DOCK8: variants seen among roughly 807,000 people sequenced by gnomAD.
DOCK8 encodes dedicator of cytokinesis 8.
A neutral mutation model predicts 245.6 loss-of-function variants in DOCK8; 141 were observed. That is an observed-to-expected ratio of 0.57 (90% CI 0.50 to 0.66). DOCK8 has a LOEUF of 0.66. Among genes scored for constraint, DOCK8 ranks in the 30% least tolerant of loss-of-function variants. The probability of loss-of-function intolerance (pLI) is 0.00; values close to 1 mark genes in which losing one functional copy is unlikely to be tolerated. For missense variants in DOCK8, 2,965 were observed against 2,603.4 expected (o/e 1.14, Z -3.02); for synonymous variants, 1,168 against 970.2 (o/e 1.20, Z -3.79).
intron 14 of DOCK8, among the ~76,000 whole-genome samples, chr9:342,564 G>A (rs747513881): frequency 1.3e-5 from 2 of 151,922 alleles, no homozygotes; most frequent in Admixed American, 1.3e-4. Context: ...CCGCCTCACA[G>A]GTTCAAACGA....
intron 1 of DOCK8, among the ~76,000 whole-genome samples, chr9:220,452 A>ATGTGCTACTGCTGTTC (rs2046855608): frequency 6.6e-6 from 1 of 152,144 alleles, no homozygotes; most frequent in Non-Finnish European, 1.5e-5. Context: ...AACTCAGGGG[A>ATGTGCTACTGCTGTTC]CCAAGTCTCC....
rs139263734 is a variant in DOCK8, at chr9:282,408, G to GT, written c.157-4049dup. ...ACATGACAAGTTTGCTTTTTGTTTC[G>GT]TTTTGTTTTTTTTTTTTTTTTGGTT... On this transcript the variant is annotated intron_variant, in intron 2 of 47. Transcript: ENST00000432829. Among the ~76,000 whole-genome samples, 229 of 140,498 alleles carry GT rather than the reference G, an allele frequency of 1.6e-3. 1 individual carries two copies. Among genetic ancestry groups the GT allele is most frequent in the African/African-American group, 6.0e-3 (215 of 35,660 alleles). The allele number at this position is 140,498 out of a possible 152,430, so 92.2% of individuals were successfully genotyped here. A position where few individuals can be genotyped will look rare whatever the true frequency, so the allele number is the denominator to read the frequency against.
intron 1 of DOCK8, among the ~76,000 whole-genome samples, chr9:247,340 C>A (rs755351806): frequency 6.6e-6 from 1 of 151,894 alleles, no homozygotes; most frequent in Non-Finnish European, 1.5e-5. Context: ...TAATCAAATA[C>A]GACAAGTTAG....
Position 360,114 on chromosome 9 carries a change from G to A in DOCK8, c.1680-7904G>A, listed in dbSNP as rs913603969. Among the ~76,000 whole-genome samples the A allele has an allele frequency of 3.9e-5, 6 of 152,000 alleles. No homozygotes were observed. The East Asian group carries it at 5.8e-4, about 15-fold the overall frequency. On this transcript the variant is annotated intron_variant, in intron 14 of 47. Transcript: ENST00000432829. The stretch of plus-strand genomic sequence containing the variant: ...GCGGATCACTTGAGGTCAGGAGTTC[G>A]ACACCAGCCTGGCCAACATGGTGAA...
chr9:307,289 A>C (rs2049879161), intron 5 of DOCK8, among the ~76,000 whole-genome samples: 1 of 149,822 alleles, frequency 6.7e-6, no homozygotes, highest in African/African-American at 2.5e-5. Context: ...GCTTTCCTGC[A>C]GCATACTAGC....
At chr9:403,814 G>A (rs1339655693) in intron 26 of DOCK8, among the ~76,000 whole-genome samples, 2 of 149,320 alleles carry the variant, frequency 1.3e-5, no homozygotes, top group East Asian at 2.0e-4. Flanking sequence ...GCAGTGAGCC[G>A]AGATCATGCC....
chr9:338,415 T>G (rs982243343), intron 12 of DOCK8, among the ~76,000 whole-genome samples: 1 of 152,110 alleles, frequency 6.6e-6, no homozygotes, highest in African/African-American at 2.4e-5. Context: ...TTCCCAATCT[T>G]ATGACCTTGG....
chr9:413,324 A>AATC (rs1166804970), intron 28 of DOCK8, among the ~76,000 whole-genome samples: 1 of 152,226 alleles, frequency 6.6e-6, no homozygotes, highest in Non-Finnish European at 1.5e-5. Context: ...TTATAGAGGT[A>AATC]ATCATCATAG....
chr9:391,349 G>A (rs532804792), intron 24 of DOCK8, among the ~76,000 whole-genome samples: 60 of 152,016 alleles, frequency 3.9e-4, no homozygotes, highest in African/African-American at 1.3e-3. Flanking sequence ...CTGTCTCAGC[G>A]GTTAGATTTT....
At chr9:287,745 T>C (rs2048880004) in intron 3 of DOCK8, among the ~76,000 whole-genome samples, 1 of 152,240 alleles carries the variant, frequency 6.6e-6, no homozygotes, top group African/African-American at 2.4e-5. Context: ...TTTCAGTCCA[T>C]TTATTCAGGT....
At chr9:357,194 T>A (rs769648477) in intron 14 of DOCK8, among the ~76,000 whole-genome samples, 4 of 152,238 alleles carry the variant, frequency 2.6e-5, no homozygotes, top group Non-Finnish European at 2.9e-5. Flanking sequence ...AAAAGGAACT[T>A]TTACTTATCT....
chr9:442,677 G>T (rs1397164307), intron 42 of DOCK8, among the ~76,000 whole-genome samples: 1 of 151,268 alleles, frequency 6.6e-6, no homozygotes, highest in Non-Finnish European at 1.5e-5. Context: ...TAAGAACTCA[G>T]TCAAAGGTGC....
intron 28 of DOCK8, among the ~76,000 whole-genome samples, chr9:410,644 C>G (rs2055679474): frequency 6.6e-6 from 1 of 151,922 alleles, no homozygotes; most frequent in Non-Finnish European, 1.5e-5. Context: ...AACAAAATGT[C>G]AAAAGAATAT....
At chr9:463,781 C>G in intron 47 of DOCK8, 94 bp downstream of exon 47, 3 of 1,461,352 alleles carry the variant, frequency 2.1e-6, no homozygotes, top group Non-Finnish European at 9.5e-7. Flanking sequence ...ACTTGGGGAG[C>G]TGCAGAACCT....
At chr9:356,413 C>G (rs150012913) in intron 14 of DOCK8, among the ~76,000 whole-genome samples, 1 of 151,910 alleles carries the variant, frequency 6.6e-6, no homozygotes, top group Non-Finnish European at 1.5e-5. Flanking sequence ...GCCTGTAATC[C>G]CAGCTACTCC....
chr9:262,052 A>G (rs554382559), intron 1 of DOCK8, among the ~76,000 whole-genome samples: 143 of 149,784 alleles, frequency 9.5e-4, no homozygotes, highest in African/African-American at 3.4e-3. Context: ...CGATTTACCT[A>G]TGTTACAAAC....
At chr9:371,614 C>G in intron 17 of DOCK8, 48 bp downstream of exon 17, 1 of 1,612,534 alleles carries the variant, frequency 6.2e-7, no homozygotes, top group Non-Finnish European at 8.5e-7. Flanking sequence ...GTTGGTGCAT[C>G]TGAGGTCCCT....
At chr9:425,052 T>A (rs942397905) in intron 33 of DOCK8, among the ~76,000 whole-genome samples, 2 of 152,240 alleles carry the variant, frequency 1.3e-5, no homozygotes, top group Non-Finnish European at 2.9e-5. Context: ...ATTTTTATAT[T>A]GCTTACATGG....
rs777118726 is a variant in DOCK8 at position 286,476 on chromosome 9, C to A, written c.172C>A (p.Pro58Thr). 39 of 1,613,750 alleles carry A rather than the reference C, an allele frequency of 2.4e-5. 1 individual carries two copies. The South Asian group carries it at 4.1e-4, about 17-fold the overall frequency. ...PSLQLPQFYD[P>T]VEPVDFEGLL... ...GCCCCTCCAGCCTCAGTTTTATGACCCTGTGGAGCCAGTGGACTTTGAAGG... is the reference window on the plus strand; with the variant it reads ...GCCCCTCCAGCCTCAGTTTTATGACACTGTGGAGCCAGTGGACTTTGAAGG... The change falls in exon 3 of 48, where the codon CCT becomes ACT. Residue 58 changes from proline to threonine, a missense_variant. Pro to Thr is a conservative substitution (Grantham distance 38, BLOSUM62 -1). Coordinates refer to ENST00000432829, the MANE Select transcript of DOCK8 (RefSeq NM_203447.4).
Sources: gnomAD v4.1 joint callset for allele counts (sites outside exome capture counted in the v4.1 genomes callset) on GRCh38, gnomAD v4.1.1 for gene constraint, MANE v1.5 for transcripts, NCBI Gene and HGNC (gene_info 2026-07-23, HGNC 2026-07-21) for gene names.